ARHGEF10L: variants seen among roughly 807,000 people sequenced by gnomAD.
The protein encoded by ARHGEF10L is Rho guanine nucleotide exchange factor 10 like.
In ARHGEF10L, 69 loss-of-function variants were observed where a neutral mutation model predicts 141.2. The observed-to-expected ratio is 0.49, with a 90% confidence interval of 0.40 to 0.60. The LOEUF (loss-of-function observed/expected upper bound fraction) is 0.60. Among genes scored for constraint, ARHGEF10L ranks in the 20% least tolerant of loss-of-function variants. The pLI is 0.00. For missense variants in ARHGEF10L, 1,482 were observed against 1,734.3 expected, an observed-to-expected ratio of 0.85 and a Z score of 2.58; for synonymous variants, 711 against 718.5, an observed-to-expected ratio of 0.99 and a Z score of 0.17.
intron 26 of ARHGEF10L, among the ~76,000 whole-genome samples, chr1:17,671,390 T>G (rs1370304600): frequency 1.3e-5 from 2 of 152,068 alleles, no homozygotes; most frequent in East Asian, 3.9e-4. Context: ...CTGTGGCCAG[T>G]GGGGATAGTC....
chr1:17,527,234 T>C, the ARHGEF10L span, among the ~76,000 whole-genome samples: 17 of 152,336 alleles, frequency 1.1e-4, 1 homozygote, highest in Admixed American at 9.8e-4. Flanking sequence ...CTGCTTCACA[T>C]TGATCTCACC....
intron 1 of ARHGEF10L, among the ~76,000 whole-genome samples, chr1:17,566,539 G>A (rs1557715388): frequency 6.6e-6 from 1 of 152,250 alleles, no homozygotes; most frequent in Non-Finnish European, 1.5e-5. Context: ...GGGGCCCTTG[G>A]AGGCTGTGCA....
chr1:17,604,864 A>C (rs1181422213), intron 6 of ARHGEF10L: 1 of 152,132 alleles, frequency 6.6e-6, no homozygotes, highest in Non-Finnish European at 1.5e-5. Context: ...TCCCACCTGA[A>C]TTCAATCAAG....
At chr1:17,555,555 A>G (rs1199961469) in intron 1 of ARHGEF10L, among the ~76,000 whole-genome samples, 1 of 152,086 alleles carries the variant, frequency 6.6e-6, no homozygotes, top group Admixed American at 6.6e-5. Context: ...GGGTTTCTCC[A>G]TGTTGGTCAG....
At chr1:17,535,886 A>G (rs1464553860), upstream of ARHGEF10L, among the ~76,000 whole-genome samples, 1 of 152,166 alleles carries the variant, frequency 6.6e-6, no homozygotes, top group Non-Finnish European at 1.5e-5. Flanking sequence ...TACCACCCGG[A>G]ATGAGACAAC....
At chr1:17,643,966 G>T (rs985118885) in intron 21 of ARHGEF10L, among the ~76,000 whole-genome samples, 6 of 152,158 alleles carry the variant, frequency 3.9e-5, no homozygotes, top group African/African-American at 1.4e-4. Context: ...AAGAGGTGAG[G>T]TAGGGGGCTC....
intron 1 of ARHGEF10L, among the ~76,000 whole-genome samples, chr1:17,563,195 G>A (rs2256398): frequency 0.053 from 8,097 of 152,106 alleles, 253 homozygotes; most frequent in Non-Finnish European, 0.064. Context: ...ACTGGGCCAG[G>A]CACAGGGCTA....
chr1:17,622,843 A>G (rs960185290), intron 11 of ARHGEF10L, among the ~76,000 whole-genome samples, 153 bp from the exon 12 acceptor site: 3 of 151,968 alleles, frequency 2.0e-5, no homozygotes, highest in Admixed American at 6.5e-5. Flanking sequence ...GGTGATGGAG[A>G]TCCTTCCGGA....
intron 10 of ARHGEF10L, among the ~76,000 whole-genome samples, chr1:17,620,076 G>T (rs1159077268): frequency 1.3e-5 from 2 of 152,046 alleles, no homozygotes; most frequent in Non-Finnish European, 2.9e-5. Context: ...GGTGGTACAC[G>T]CTTGTAGTCT....
intron 1 of ARHGEF10L, among the ~76,000 whole-genome samples, chr1:17,575,805 G>A (rs72921026): frequency 0.022 from 3,392 of 152,320 alleles, 143 homozygotes; most frequent in African/African-American, 0.078. Flanking sequence ...ACAGGTACGT[G>A]GAGGAGTTCT....
chr1:17,615,942 A>G lies in ARHGEF10L; in HGVS notation c.727-152A>G, dbSNP rs2059784442. Reference sequence around the variant, plus strand: ...GGCATGAACGCACCTTCTCACCCCCACTGTCGTCCTTGGCCTTTGCTCACG... The same window carrying G: ...GGCATGAACGCACCTTCTCACCCCCGCTGTCGTCCTTGGCCTTTGCTCACG... On this transcript the variant is annotated intron_variant, in intron 8 of 28. Coordinates refer to ENST00000361221, the MANE Select transcript of ARHGEF10L (RefSeq NM_018125.4). The surrounding 1 kb of genome is among the most constrained non-coding windows in gnomAD (Gnocchi z 4.7). 1.5e-6 allele frequency: 1 copy of G among 656,930 alleles called. No homozygotes were observed. Among genetic ancestry groups the G allele is most frequent in the Non-Finnish European group, 2.8e-6 (1 of 360,896 alleles). The allele number at this position is 656,930 out of a possible 1,614,324, so 40.7% of individuals were successfully genotyped here. A position where few individuals can be genotyped will look rare whatever the true frequency, so the allele number is the denominator to read the frequency against.
rs12060961 is a variant in ARHGEF10L, at chr1:17,627,916, T to C, written c.1584+413T>C. On this transcript the variant is annotated intron_variant, in intron 15 of 28. Transcript: ENST00000361221. This position sits in a 1 kb window ranked among gnomAD's most constrained non-coding sequence, Gnocchi z 4.0. Reference sequence around the variant, plus strand: ...GGAGCATTTAATAGCACCGGAGCCCTAGGGCTGCTGCCGCAAAAGAGGGAG... The same window carrying C: ...GGAGCATTTAATAGCACCGGAGCCCCAGGGCTGCTGCCGCAAAAGAGGGAG... Among the ~76,000 whole-genome samples the C allele has an allele frequency of 0.2, 30,208 of 151,984 alleles. 3,740 individuals are homozygous for C. The highest frequency in any genetic ancestry group is 0.35 in the African/African-American group (14,363 of 41,404).
chr1:17,647,158 C>T (rs56379452), intron 21 of ARHGEF10L, among the ~76,000 whole-genome samples: 16,497 of 152,142 alleles, frequency 0.11, 1,052 homozygotes, highest in Non-Finnish European at 0.13. Context: ...TCAGCGGGCG[C>T]GGTTGCTGAA....
chr1:17,560,209 C>G (rs2077491365), intron 1 of ARHGEF10L, among the ~76,000 whole-genome samples: 1 of 152,074 alleles, frequency 6.6e-6, no homozygotes, highest in South Asian at 2.1e-4. Context: ...GCTGCTGTAT[C>G]TATTTTACAG....
rs906266783 is a variant in ARHGEF10L at position 17,597,833 on chromosome 1, C to G, written c.258-4294C>G. ...TAAGGTGCAGCGAGGAGGAGCCTCC[C>G]CCTGCCTATGAGTCGGCTCATCAGG... On this transcript the variant is annotated intron_variant, in intron 4 of 28. Transcript: ENST00000361221. 2.0e-5 allele frequency among the ~76,000 whole-genome samples: 3 copies of G among 152,320 alleles called. No individual in the cohort carries two copies. The East Asian group carries it at 5.8e-4, about 29-fold the overall frequency.
At chr1:17,632,571 G>C in intron 16 of ARHGEF10L, 105 bp downstream of exon 16, 1 of 1,470,522 alleles carries the variant, frequency 6.8e-7, no homozygotes, top group East Asian at 2.3e-5. Flanking sequence ...CCCCATGTGA[G>C]CTTGGTTTAG....
intron 14 of ARHGEF10L, 92 bp downstream of exon 14, chr1:17,626,140 C>T: frequency 8.9e-7 from 1 of 1,128,478 alleles, no homozygotes; most frequent in Non-Finnish European, 1.3e-6. Flanking sequence ...GGTCTGGGCT[C>T]TTGTCCGTGA....
Position 17,607,910 on chromosome 1 carries a change from CG to C in ARHGEF10L, c.547del (p.Glu183ArgfsTer26). On this transcript the variant is annotated frameshift_variant, in exon 7 of 29. Transcript: ENST00000361221. LOFTEE classifies it high-confidence loss of function. This position sits in a 1 kb window ranked among gnomAD's most constrained non-coding sequence, Gnocchi z 4.5. ...GAGTTCGAGAGCTACAGCGAGGACT[CG>C]GGGGAGGAGGCCAAGCCGGAGGTCG... ...SSEFESYSED[S>X]GEEAKPEVEV... 6.5e-7 allele frequency: 1 copy of C among 1,537,528 alleles called. No homozygotes were observed.
At position 17,669,924 on chromosome 1, in the gene ARHGEF10L, A is replaced by T. The variant is rs528202383; in HGVS notation, c.3009+5329A>T. Among the ~76,000 whole-genome samples, 12 of 152,318 alleles carry T rather than the reference A, an allele frequency of 7.9e-5. No homozygotes were observed. The East Asian group carries it at 1.9e-3, about 24-fold the overall frequency. ...ACCAGGGACAGGGAAAGCCCAGGGG[A>T]GGCGGGATCCCAGAGGAGGCGAGAG... is the stretch of plus-strand genomic sequence containing the variant. On this transcript the variant is annotated intron_variant, in intron 26 of 28. Coordinates refer to ENST00000361221, the MANE Select transcript of ARHGEF10L (RefSeq NM_018125.4).
Sources: allele counts gnomAD v4.1 joint callset (sites outside exome capture counted in the v4.1 genomes callset), GRCh38; gene constraint gnomAD v4.1.1; non-coding constraint Gnocchi (gnomAD v3.1); transcripts MANE v1.5; gene names NCBI Gene and HGNC (gene_info 2026-07-23, HGNC 2026-07-21).